The following AXDND1 variants were observed in gnomAD, a reference collection of about 807,000 sequenced individuals.
The protein encoded by AXDND1 is axonemal dynein light chain domain-containing protein 1.
Under a neutral mutation model 137.5 loss-of-function variants are expected in AXDND1, and 110 were observed. The observed-to-expected ratio is 0.80, with a 90% CI of 0.69 to 0.94. AXDND1 has a LOEUF of 0.94. Ranked by LOEUF, AXDND1 falls within the 40% of genes least tolerant of loss-of-function variation. The pLI is 0.00. For synonymous variants in AXDND1, 414 were observed against 399.7 expected (o/e 1.04, Z -0.43); for missense variants, 1,191 against 1,169.8 (o/e 1.02, Z -0.26).
At chr1:179,446,433 A>T (rs954633466) in intron 16 of AXDND1, among the ~76,000 whole-genome samples, 2 of 152,146 alleles carry the variant, frequency 1.3e-5, no homozygotes, top group Non-Finnish European at 2.9e-5. Context: ...TGGTTCTCAA[A>T]CTTTAGTGTG....
chr1:179,534,582 T>G, intron 24 of AXDND1, 148 bp from the exon 25 acceptor site: 2 of 992,212 alleles, frequency 2.0e-6, no homozygotes, highest in Non-Finnish European at 2.8e-6. Context: ...CCCCCAGTTC[T>G]CAGTTAATCA....
intron 17 of AXDND1, among the ~76,000 whole-genome samples, chr1:179,478,031 G>T (rs1000428060): frequency 1.3e-5 from 2 of 152,186 alleles, no homozygotes; most frequent in East Asian, 1.9e-4. Context: ...TCACATCTGG[G>T]TCATGCTCAT....
chr1:179,369,094 T>G, intron 3 of AXDND1, 122 bp downstream of exon 3: 1 of 1,027,660 alleles, frequency 9.7e-7, no homozygotes, highest in Non-Finnish European at 1.4e-6. Flanking sequence ...TAAGATTGAT[T>G]GAGACAGGGT....
At chr1:179,552,391 A>C (rs949223655) in intron 25 of AXDND1, 5 of 608,794 alleles carry the variant, frequency 8.2e-6, no homozygotes, top group Non-Finnish European at 1.5e-5. Flanking sequence ...GTGAGTGGTC[A>C]CTATTATCAG....
At chr1:179,457,526 TTTTG>T (rs1442125789) in intron 16 of AXDND1, among the ~76,000 whole-genome samples, 1 of 152,244 alleles carries the variant, frequency 6.6e-6, no homozygotes, top group Non-Finnish European at 1.5e-5. Context: ...TTTGTGTTAT[TTTTG>T]TTTGTGTTTC....
intron 3 of AXDND1, 120 bp downstream of exon 3, chr1:179,369,092 A>T: frequency 9.4e-7 from 1 of 1,059,022 alleles, no homozygotes; most frequent in East Asian, 2.6e-5. Context: ...TTTAAGATTG[A>T]TTGAGACAGG....
At chr1:179,397,392 C>T (rs529795216) in intron 11 of AXDND1, among the ~76,000 whole-genome samples, 160 of 152,222 alleles carry the variant, frequency 1.1e-3, no homozygotes, top group African/African-American at 3.8e-3. Context: ...GGTGACCTGA[C>T]TTTTCTTTCT....
At chr1:179,444,437 T>G (rs1659445091) in intron 15 of AXDND1, among the ~76,000 whole-genome samples, 1 of 152,188 alleles carries the variant, frequency 6.6e-6, no homozygotes, top group African/African-American at 2.4e-5. Context: ...GGCTGGGTAA[T>G]GTTCCTATTA....
At chr1:179,478,012 C>T (rs1397137249) in intron 17 of AXDND1, among the ~76,000 whole-genome samples, 1 of 152,214 alleles carries the variant, frequency 6.6e-6, no homozygotes, top group East Asian at 1.9e-4. Flanking sequence ...TCTCCTTTGA[C>T]TCCATGTCTC....
At chr1:179,472,799 A>G (rs970294548) in intron 17 of AXDND1, among the ~76,000 whole-genome samples, 1 of 152,166 alleles carries the variant, frequency 6.6e-6, no homozygotes, top group Non-Finnish European at 1.5e-5. Context: ...TTTATCTGCT[A>G]TCAGTACAGC....
chr1:179,478,495 A>G (rs111873134), intron 17 of AXDND1, among the ~76,000 whole-genome samples: 4,584 of 152,246 alleles, frequency 0.03, 219 homozygotes, highest in African/African-American at 0.1. Context: ...CCCCAGCTGT[A>G]TCTTGGACCC....
intron 20 of AXDND1, among the ~76,000 whole-genome samples, chr1:179,496,639 G>T (rs1337421360): frequency 6.6e-6 from 1 of 151,878 alleles, no homozygotes; most frequent in Admixed American, 6.6e-5. Flanking sequence ...TGATCTCAAA[G>T]AACCAGATTT....
intron 12 of AXDND1, among the ~76,000 whole-genome samples, chr1:179,420,900 C>T (rs1289001186): frequency 5.3e-5 from 8 of 152,120 alleles, no homozygotes; most frequent in East Asian, 1.9e-4. Context: ...GGATTACAGG[C>T]GTGAGCTACC....
rs1308790911 is a variant in AXDND1 at position 179,456,573 on chromosome 1, C to T, written c.1798+11369C>T. The T allele has an allele frequency of 3.9e-6, 3 of 779,074 alleles. No individual in the cohort carries two copies. The East Asian group carries it at 7.3e-5, about 19-fold the overall frequency. The allele number at this position is 779,074 out of a possible 1,614,324, so 48.3% of individuals were successfully genotyped here. A position where few individuals can be genotyped will look rare whatever the true frequency, so the allele number is the denominator to read the frequency against. On this transcript the variant is annotated intron_variant, in intron 16 of 25. Transcript: ENST00000367618. ...GCTTCCTCCGGAGTAACCAGGGCCACCTCCTCCATAACCACCATCATTACC... is the reference window on the plus strand; with the variant it reads ...GCTTCCTCCGGAGTAACCAGGGCCATCTCCTCCATAACCACCATCATTACC...
At chr1:179,386,561 G>A (rs926269827) in intron 9 of AXDND1, among the ~76,000 whole-genome samples, 4 of 151,930 alleles carry the variant, frequency 2.6e-5, no homozygotes, top group African/African-American at 9.7e-5. Flanking sequence ...CATGTATTAG[G>A]CCACTAGTAC....
At chr1:179,440,749 G>A (rs188712145) in intron 15 of AXDND1, among the ~76,000 whole-genome samples, 88 of 152,320 alleles carry the variant, frequency 5.8e-4, no homozygotes, top group African/African-American at 2.0e-3. Flanking sequence ...GCACGAGAGC[G>A]AATAACTTGT....
Position 179,482,702 on chromosome 1 carries a change from A to T in AXDND1, c.1998-426A>T, listed in dbSNP as rs537255947. Among the ~76,000 whole-genome samples the T allele has an allele frequency of 1.8e-4, 27 of 149,972 alleles. No homozygotes were observed. In the South Asian group the frequency reaches 5.6e-3, roughly 31 times the overall value. ...TTTAGAGGCTTTAAGTGGTGTATTT[A>T]AAAAAATAATTGTTACCAGTTTCGG... On this transcript the variant is annotated intron_variant, in intron 17 of 25. Transcript: ENST00000367618.
chr1:179,390,626 A>G (rs1268795996), intron 9 of AXDND1, among the ~76,000 whole-genome samples: 2 of 152,196 alleles, frequency 1.3e-5, no homozygotes, highest in Non-Finnish European at 2.9e-5. Flanking sequence ...AGAAGAAGGA[A>G]TAAAACAAGT....
At chr1:179,370,694 T>C (rs148448565) in intron 4 of AXDND1, among the ~76,000 whole-genome samples, 1 of 152,354 alleles carries the variant, frequency 6.6e-6, no homozygotes, top group East Asian at 1.9e-4. Flanking sequence ...TGTCCACTTA[T>C]CAATTTACTC....
Sources: allele counts gnomAD v4.1 joint callset (sites outside exome capture counted in the v4.1 genomes callset), GRCh38; gene constraint gnomAD v4.1.1; transcripts MANE v1.5; gene names NCBI Gene and HGNC (gene_info 2026-07-23, HGNC 2026-07-21).